The following PLPPR1 variants were observed in gnomAD, a reference collection of about 807,000 sequenced individuals.
PLPPR1 encodes the protein phospholipid phosphatase-related protein type 1.
In PLPPR1, 10 loss-of-function variants were observed where a neutral mutation model predicts 33.1. That is an observed-to-expected ratio of 0.30 (90% confidence interval 0.19 to 0.51). The LOEUF (loss-of-function observed/expected upper bound fraction) is 0.51, where lower values mean the gene tolerates loss of function less well. PLPPR1 is among the 20% of genes least tolerant of loss of function. The pLI, the probability that PLPPR1 is intolerant of heterozygous loss-of-function variation, is 0.97. For synonymous variants in PLPPR1, 151 were observed against 151.0 expected (o/e 1.00, Z 0.00); for missense variants, 304 against 408.1 (o/e 0.74, Z 2.20).
intron 1 of PLPPR1, among the ~76,000 whole-genome samples, chr9:101,030,294 G>A (rs1035599165): frequency 1.6e-4 from 24 of 151,204 alleles, no homozygotes; most frequent in Non-Finnish European, 8.8e-5. Flanking sequence ...ACTTAGGAGA[G>A]GTGTGACTAG....
chr9:101,079,476 C>T (rs1402342477), intron 1 of PLPPR1, among the ~76,000 whole-genome samples: 2 of 152,030 alleles, frequency 1.3e-5, no homozygotes, highest in African/African-American at 2.4e-5. Flanking sequence ...CTCTTTTATC[C>T]TCATGCTAAA....
chr9:101,249,621 G>A (rs542654628), intron 2 of PLPPR1, among the ~76,000 whole-genome samples: 3 of 151,930 alleles, frequency 2.0e-5, no homozygotes, highest in Admixed American at 1.3e-4. Flanking sequence ...ATGGCAGCCC[G>A]GTTAGGTGTG....
chr9:101,171,749 A>G (rs1564165087), intron 1 of PLPPR1, among the ~76,000 whole-genome samples: 1 of 152,208 alleles, frequency 6.6e-6, no homozygotes, highest in Non-Finnish European at 1.5e-5. Flanking sequence ...TCTTTAAAAA[A>G]TAGATTTTTC....
chr9:101,206,378 T>C (rs1031774810), intron 2 of PLPPR1, among the ~76,000 whole-genome samples: 2 of 152,236 alleles, frequency 1.3e-5, no homozygotes, highest in Admixed American at 6.5e-5. Context: ...CAGATTATGC[T>C]GTAGGACTAT....
intron 3 of PLPPR1, among the ~76,000 whole-genome samples, chr9:101,281,041 A>T (rs185403381): frequency 2.0e-4 from 30 of 152,194 alleles, no homozygotes; most frequent in African/African-American, 7.2e-4. Context: ...ACCAAAAAAA[A>T]CCTATTAGAA....
At chr9:101,307,218 C>A (rs985962804) in intron 4 of PLPPR1, among the ~76,000 whole-genome samples, 3 of 152,314 alleles carry the variant, frequency 2.0e-5, no homozygotes, top group South Asian at 2.1e-4. Context: ...GGCCACCATA[C>A]AATCGCTGTG....
chr9:101,186,805 T>A (rs1460441752), intron 2 of PLPPR1, among the ~76,000 whole-genome samples: 1 of 151,946 alleles, frequency 6.6e-6, no homozygotes, highest in Admixed American at 6.6e-5. Flanking sequence ...TATTTGATAA[T>A]CTGTTCATAT....
chr9:101,180,143 TAC>T (rs369914371), intron 1 of PLPPR1, among the ~76,000 whole-genome samples: 760 of 38,950 alleles, frequency 0.02, 29 homozygotes, highest in Middle Eastern at 0.043. Flanking sequence ...TATATATATA[TAC>T]ACACACACAC....
At chr9:101,317,250 AG>A (rs1183728910) in intron 6 of PLPPR1, 114 bp from the exon 7 acceptor site, 1 of 1,129,886 alleles carries the variant, frequency 8.9e-7, no homozygotes, top group East Asian at 2.4e-5. Context: ...CCTCTCTCAA[AG>A]GAAAAAGGTC....
chr9:101,255,025 A>G (rs1382961238), intron 2 of PLPPR1, among the ~76,000 whole-genome samples: 1 of 152,194 alleles, frequency 6.6e-6, no homozygotes, highest in Non-Finnish European at 1.5e-5. Context: ...CTATATTCTC[A>G]TCAACACTTA....
chr9:101,246,101 TATATATATAG>T (rs1827604820), intron 2 of PLPPR1, among the ~76,000 whole-genome samples: 9 of 104,020 alleles, frequency 8.7e-5, no homozygotes, highest in East Asian at 3.8e-4. Flanking sequence ...TATATATATA[TATATATATAG>T]ATAGATAGAT....
chr9:101,238,083 T>C (rs1024869567), intron 2 of PLPPR1, among the ~76,000 whole-genome samples: 7 of 138,338 alleles, frequency 5.1e-5, no homozygotes, highest in Non-Finnish European at 1.1e-4. Context: ...TGTATATATA[T>C]ACATATACAT....
At chr9:101,165,946 G>T (rs1825848915) in intron 1 of PLPPR1, among the ~76,000 whole-genome samples, 1 of 152,124 alleles carries the variant, frequency 6.6e-6, no homozygotes, top group Non-Finnish European at 1.5e-5. Context: ...GATGATCATA[G>T]GAGTCTTCGG....
chr9:101,061,581 A>G (rs1225116549), intron 1 of PLPPR1, among the ~76,000 whole-genome samples: 1 of 151,976 alleles, frequency 6.6e-6, no homozygotes, highest in Non-Finnish European at 1.5e-5. Context: ...CAAAAAGTGC[A>G]ATTACATTTG....
intron 2 of PLPPR1, among the ~76,000 whole-genome samples, chr9:101,250,970 C>A (rs1465184419): frequency 6.6e-6 from 1 of 151,966 alleles, no homozygotes; most frequent in Admixed American, 6.6e-5. Flanking sequence ...ATCTCCTGGA[C>A]TCCTCTTTAT....
chr9:101,269,784 A>T, intron 2 of PLPPR1, 96 bp from the exon 3 acceptor site: 1 of 1,170,692 alleles, frequency 8.5e-7, no homozygotes, highest in Non-Finnish European at 1.3e-6. Context: ...ATATCAGGAG[A>T]GCCGCTGCTG....
intron 1 of PLPPR1, among the ~76,000 whole-genome samples, chr9:101,096,292 C>G (rs1419830738): frequency 6.6e-6 from 1 of 152,116 alleles, no homozygotes; most frequent in Non-Finnish European, 1.5e-5. Flanking sequence ...AACATAATCA[C>G]AGTGGGAAGT....
At chr9:101,261,607 C>A (rs1208380200) in intron 2 of PLPPR1, among the ~76,000 whole-genome samples, 1 of 152,086 alleles carries the variant, frequency 6.6e-6, no homozygotes, top group Non-Finnish European at 1.5e-5. Context: ...AAATGCTCAA[C>A]AATGATAGAC....
chr9:101,304,988 G>GAA (rs139734502), intron 4 of PLPPR1, among the ~76,000 whole-genome samples: 1 of 150,588 alleles, frequency 6.6e-6, no homozygotes, highest in Non-Finnish European at 1.5e-5. Context: ...ATACATTTAG[G>GAA]AAAAAAAAAG....
Sources: gnomAD v4.1 joint callset for allele counts (sites outside exome capture counted in the v4.1 genomes callset) on GRCh38, gnomAD v4.1.1 for gene constraint, MANE v1.5 for transcripts, NCBI Gene and HGNC (gene_info 2026-07-23, HGNC 2026-07-21) for gene names.